HTT: variants seen among roughly 807,000 people sequenced by gnomAD.
HTT encodes huntingtin.
HTT carries 104 observed loss-of-function variants against 362.3 expected under a neutral mutation model. The observed-to-expected ratio is 0.29, with a 90% CI of 0.24 to 0.34. The LOEUF is 0.34. Ranked by LOEUF, HTT falls within the 10% of genes least tolerant of loss-of-function variation. The pLI, the probability that HTT is intolerant of heterozygous loss-of-function variation, is 1.00. For missense variants in HTT, 3,301 were observed against 3,928.6 expected (o/e 0.84, Z 4.27); for synonymous variants, 1,577 against 1,548.7 (o/e 1.02, Z -0.43).
chr4:3,219,740 C>T (rs868129761), intron 52 of HTT, among the ~76,000 whole-genome samples: 1 of 152,192 alleles, frequency 6.6e-6, no homozygotes, highest in East Asian at 1.9e-4. Context: ...GAGCACCTCA[C>T]GCACAGAGAA....
At chr4:3,238,694 G>A (rs748755549) in intron 65 of HTT, 85 bp downstream of exon 65, 5 of 1,483,578 alleles carry the variant, frequency 3.4e-6, no homozygotes, top group East Asian at 2.3e-5. Flanking sequence ...CGCCAGCAGA[G>A]CCCAGCTCCT....
chr4:3,147,506 A>G (rs1716666742), intron 25 of HTT, among the ~76,000 whole-genome samples: 1 of 152,198 alleles, frequency 6.6e-6, no homozygotes, highest in South Asian at 2.1e-4. Flanking sequence ...CCATGAAAGA[A>G]TTGGGGCCTG....
At chr4:3,151,210 G>T (rs1716871753) in intron 26 of HTT, among the ~76,000 whole-genome samples, 1 of 152,130 alleles carries the variant, frequency 6.6e-6, no homozygotes, top group African/African-American at 2.4e-5. Context: ...GACATATAAA[G>T]AAAAGAGGTT....
chr4:3,230,806 C>T (rs1721214107), intron 60 of HTT, among the ~76,000 whole-genome samples: 1 of 152,270 alleles, frequency 6.6e-6, no homozygotes, highest in East Asian at 1.9e-4. Context: ...GCTCTCCCAT[C>T]ATGACCTCAT....
rs71180116 is a variant in HTT, at chr4:3,074,876, C to CCAGCAGCAGCAGCAGCAGCAG, written c.90_110dup (p.Gln32_Gln38dup). On this transcript the variant is annotated inframe_insertion, in exon 1 of 67. Transcript: ENST00000355072. ...AGGCCTTCGAGTCCCTCAAGTCCTT[C>CCAGCAGCAGCAGCAGCAGCAG]CAGCAGCAGCAGCAGCAGCAGCAGC... 5,707 of 1,357,612 alleles carry CCAGCAGCAGCAGCAGCAGCAG rather than the reference C, an allele frequency of 4.2e-3. 31 individuals are homozygous for CCAGCAGCAGCAGCAGCAGCAG. Among genetic ancestry groups the CCAGCAGCAGCAGCAGCAGCAG allele is most frequent in the Admixed American group, 7.5e-3 (326 of 43,712 alleles). The allele number at this position is 1,357,612 out of a possible 1,614,324, so 84.1% of individuals were successfully genotyped here.
At chr4:3,209,697 C>A in intron 46 of HTT, 130 bp from the exon 47 acceptor site, 1 of 1,117,774 alleles carries the variant, frequency 8.9e-7, no homozygotes, top group Non-Finnish European at 1.3e-6. Flanking sequence ...TAGCCACAGC[C>A]TGCCGGCCGG....
chr4:3,078,969 T>C (rs1243624528), intron 1 of HTT, among the ~76,000 whole-genome samples: 2 of 152,184 alleles, frequency 1.3e-5, no homozygotes, highest in South Asian at 2.1e-4. Flanking sequence ...TCTCCTGACC[T>C]CGTCATCCGC....
At chr4:3,145,082 G>A (rs1716534310) in intron 23 of HTT, 70 bp from the exon 24 acceptor site, 1 of 1,108,584 alleles carries the variant, frequency 9.0e-7, no homozygotes, top group Admixed American at 1.7e-5. Flanking sequence ...TTTATAAAGG[G>A]TAACAGGAGA....
intron 28 of HTT, among the ~76,000 whole-genome samples, chr4:3,158,628 T>C (rs901740055): frequency 1.3e-5 from 2 of 151,544 alleles, no homozygotes; most frequent in Non-Finnish European, 2.9e-5. Flanking sequence ...TTGTTACTAA[T>C]AGTTACTTCT....
chr4:3,225,771 C>T (rs370382424), intron 57 of HTT, 28 bp downstream of exon 57: 2 of 1,578,722 alleles, frequency 1.3e-6, no homozygotes, highest in East Asian at 2.3e-5. Flanking sequence ...GCCGCCTGGC[C>T]TCTGTCCGTT....
At chr4:3,165,156 T>A (rs1717636853) in intron 29 of HTT, among the ~76,000 whole-genome samples, 1 of 152,204 alleles carries the variant, frequency 6.6e-6, no homozygotes, top group Admixed American at 6.5e-5. Context: ...CTGTAAAGGA[T>A]TTTATTTCTC....
intron 12 of HTT, 59 bp downstream of exon 12, chr4:3,127,663 C>CAAATAAAA: frequency 1.5e-6 from 2 of 1,322,422 alleles, no homozygotes; most frequent in Non-Finnish European, 2.1e-6. Flanking sequence ...GACAGAGTCT[C>CAAATAAAA]ACTCCATAGT....
At chr4:3,138,527 G>T in intron 21 of HTT, among the ~76,000 whole-genome samples, 1 of 152,128 alleles carries the variant, frequency 6.6e-6, no homozygotes, top group Admixed American at 6.5e-5. Context: ...GAATGTGATT[G>T]TGCCTGATTC....
chr4:3,201,323 C>G lies in HTT; in HGVS notation c.5576+1384C>G, dbSNP rs141339148. On this transcript the variant is annotated intron_variant, in intron 41 of 66. Transcript: ENST00000355072. ...GCGGGCAGATCACCTGAGGCCAGGA[C>G]TTCGAGACCAGCCTGGCCAACATGA... Among the ~76,000 whole-genome samples the G allele has an allele frequency of 5.1e-3, 780 of 152,180 alleles. 6 individuals carry two copies. Among genetic ancestry groups the G allele is most frequent in the African/African-American group, 0.018 (733 of 41,526 alleles).
At chr4:3,118,911 C>T (rs939431705) in intron 8 of HTT, among the ~76,000 whole-genome samples, 1 of 152,158 alleles carries the variant, frequency 6.6e-6, no homozygotes, top group East Asian at 1.9e-4. Context: ...TACCATGAGA[C>T]GTTCAATTCA....
intron 19 of HTT, 29 bp downstream of exon 19, chr4:3,134,569 T>A (rs1179795249): frequency 1.9e-6 from 3 of 1,596,466 alleles, no homozygotes; most frequent in Non-Finnish European, 2.6e-6. Context: ...TTAGATTTCA[T>A]GAACTAAGCT....
intron 42 of HTT, among the ~76,000 whole-genome samples, 169 bp downstream of exon 42, chr4:3,204,317 T>C (rs1334429082): frequency 2.0e-5 from 3 of 152,182 alleles, no homozygotes; most frequent in Non-Finnish European, 1.5e-5. Context: ...TGACATATAA[T>C]TGGAGACCAG....
Position 3,167,027 on chromosome 4 carries a change from C to T in HTT, c.3865-5293C>T, listed in dbSNP as rs544219162. Among the ~76,000 whole-genome samples the T allele has an allele frequency of 2.6e-5, 4 of 152,368 alleles. No individual in the cohort carries two copies. In the East Asian group the frequency reaches 7.7e-4, roughly 29 times the overall value. ...AATCACCTGTCTTCTGTGTCGATCT[C>T]ACTGGGAGCTGTAGACTGGAGCTGT... is the stretch of plus-strand genomic sequence containing the variant. On this transcript the variant is annotated intron_variant, in intron 29 of 66. Coordinates refer to ENST00000355072, the MANE Select transcript of HTT (RefSeq NM_001388492.1).
chr4:3,083,488 C>T lies in HTT; in HGVS notation c.264-3451C>T, dbSNP rs368530508. Among the ~76,000 whole-genome samples, 21 of 150,290 alleles carry T rather than the reference C, an allele frequency of 1.4e-4. 2 individuals are homozygous for T. Among genetic ancestry groups the T allele is most frequent in the East Asian group, 7.9e-4 (4 of 5,060 alleles). Reference sequence around the variant, plus strand: ...GCAGTGAGCTATGATTATGCCACTACACTACAACCTGGGCAAGAGAGTGAG... The same window carrying T: ...GCAGTGAGCTATGATTATGCCACTATACTACAACCTGGGCAAGAGAGTGAG... On this transcript the variant is annotated intron_variant, in intron 1 of 66. Coordinates refer to ENST00000355072, the MANE Select transcript of HTT (RefSeq NM_001388492.1).
Sources: allele counts gnomAD v4.1 joint callset (sites outside exome capture counted in the v4.1 genomes callset), GRCh38; gene constraint gnomAD v4.1.1; transcripts MANE v1.5; gene names NCBI Gene and HGNC (gene_info 2026-07-23, HGNC 2026-07-21).